PARD3: variants seen among roughly 807,000 people sequenced by gnomAD.
The protein encoded by PARD3 is partitioning defective 3 homolog.
A neutral mutation model predicts 155.4 loss-of-function variants in PARD3; 75 were observed. The ratio of observed to expected loss-of-function variants is 0.48; its 90% CI spans 0.40 to 0.58. PARD3 has a LOEUF of 0.58. Ranked by LOEUF, PARD3 falls within the 20% of genes least tolerant of loss-of-function variation. The pLI is 0.00. For synonymous variants in PARD3, 576 were observed against 610.5 expected, an observed-to-expected ratio of 0.94 and a Z score of 0.83; for missense variants, 1,642 against 1,721.7, an observed-to-expected ratio of 0.95 and a Z score of 0.82.
intron 1 of PARD3, among the ~76,000 whole-genome samples, chr10:34,711,183 A>G (rs746269916): frequency 6.6e-6 from 1 of 152,048 alleles, no homozygotes; most frequent in Non-Finnish European, 1.5e-5. Flanking sequence ...AAAAAAAAGT[A>G]AAAACAAAAA....
At chr10:34,318,796 C>T (rs901131464) in intron 19 of PARD3, among the ~76,000 whole-genome samples, 30 of 152,006 alleles carry the variant, frequency 2.0e-4, no homozygotes, top group Admixed American at 4.6e-4. Flanking sequence ...GGCTGAGTCT[C>T]GCTCTGTCGC....
At chr10:34,583,657 A>C (rs2087715929) in intron 2 of PARD3, among the ~76,000 whole-genome samples, 1 of 152,210 alleles carries the variant, frequency 6.6e-6, no homozygotes, top group African/African-American at 2.4e-5. Flanking sequence ...AAACAGAATG[A>C]GGAAACCTTA....
intron 12 of PARD3, 43 bp downstream of exon 12, chr10:34,372,455 T>C: frequency 6.8e-7 from 1 of 1,476,982 alleles, no homozygotes; most frequent in Non-Finnish European, 9.5e-7. Flanking sequence ...GTTCCATGTA[T>C]CTTTCCAACA....
chr10:34,458,607 C>A (rs1181166928), intron 4 of PARD3, among the ~76,000 whole-genome samples: 1 of 152,114 alleles, frequency 6.6e-6, no homozygotes, highest in Admixed American at 6.6e-5. Context: ...AGAGAGAGAT[C>A]CTCTCTCAAA....
At chr10:34,686,162 T>C (rs1244732323) in intron 2 of PARD3, among the ~76,000 whole-genome samples, 4 of 152,198 alleles carry the variant, frequency 2.6e-5, no homozygotes, top group African/African-American at 9.7e-5. Context: ...GTTACAAATG[T>C]AGTATGTGAA....
chr10:34,464,121 A>G (rs1009596245), intron 4 of PARD3, among the ~76,000 whole-genome samples: 8 of 49,560 alleles, frequency 1.6e-4, no homozygotes, highest in South Asian at 1.2e-3. Context: ...TCCTGCGGGA[A>G]AAAAAAAAAA....
intron 2 of PARD3, among the ~76,000 whole-genome samples, chr10:34,573,633 G>C (rs528022783): frequency 8.5e-5 from 13 of 152,088 alleles, no homozygotes; most frequent in African/African-American, 1.9e-4. Flanking sequence ...CTTGAACCTG[G>C]GAGGCAGAGG....
intron 1 of PARD3, among the ~76,000 whole-genome samples, chr10:34,801,074 G>T (rs769429448): frequency 6.6e-6 from 1 of 152,178 alleles, no homozygotes; most frequent in Non-Finnish European, 1.5e-5. Context: ...TGAGTATTCT[G>T]GAAAGTTTTT....
chr10:34,335,806 C>T (rs1202391071), intron 18 of PARD3, among the ~76,000 whole-genome samples: 1 of 152,026 alleles, frequency 6.6e-6, no homozygotes, highest in Non-Finnish European at 1.5e-5. Flanking sequence ...ATCAAAATCA[C>T]CACTCTGAGA....
intron 22 of PARD3, among the ~76,000 whole-genome samples, chr10:34,178,527 T>C (rs1035194952): frequency 3.9e-5 from 6 of 152,276 alleles, no homozygotes; most frequent in South Asian, 2.1e-4. Flanking sequence ...AGCGTAAGAA[T>C]TGATCCCAAG....
At chr10:34,350,463 A>G (rs1837932488) in intron 14 of PARD3, among the ~76,000 whole-genome samples, 1 of 152,136 alleles carries the variant, frequency 6.6e-6, no homozygotes, top group African/African-American at 2.4e-5. Context: ...GTGAAACACC[A>G]AATATACTAA....
chr10:34,518,402 G>T (rs930131927), intron 2 of PARD3, among the ~76,000 whole-genome samples: 1 of 152,146 alleles, frequency 6.6e-6, no homozygotes, highest in African/African-American at 2.4e-5. Context: ...CTTGAAAAAT[G>T]GTTGATTTCA....
At chr10:34,113,921 C>T (rs752233905) in intron 24 of PARD3, among the ~76,000 whole-genome samples, 1 of 152,068 alleles carries the variant, frequency 6.6e-6, no homozygotes, top group African/African-American at 2.4e-5. Context: ...CTAATAGGTC[C>T]CGGAGGAGTA....
At chr10:34,733,922 G>C (rs1310132000) in intron 1 of PARD3, among the ~76,000 whole-genome samples, 1 of 150,296 alleles carries the variant, frequency 6.7e-6, no homozygotes, top group Non-Finnish European at 1.5e-5. Flanking sequence ...AGTAAATTAT[G>C]CTTCTGCGAA....
At chr10:34,397,820 C>T (rs1843481238) in intron 7 of PARD3, among the ~76,000 whole-genome samples, 1 of 152,082 alleles carries the variant, frequency 6.6e-6, no homozygotes, top group Non-Finnish European at 1.5e-5. Flanking sequence ...GTTTCACAGG[C>T]ATTTTAAGAC....
chr10:34,445,633 T>C (rs145290387), intron 5 of PARD3, among the ~76,000 whole-genome samples: 2 of 152,224 alleles, frequency 1.3e-5, no homozygotes, highest in East Asian at 3.9e-4. Context: ...AGAAACTATT[T>C]TATAACAAAA....
intron 2 of PARD3, among the ~76,000 whole-genome samples, chr10:34,593,497 T>C (rs1196655615): frequency 6.6e-6 from 1 of 152,218 alleles, no homozygotes; most frequent in African/African-American, 2.4e-5. Flanking sequence ...AACACCTATT[T>C]AGATTAACTA....
At chr10:34,654,448 ACT>A (rs1458898394) in intron 2 of PARD3, among the ~76,000 whole-genome samples, 7 of 152,068 alleles carry the variant, frequency 4.6e-5, no homozygotes, top group Admixed American at 4.6e-4. Flanking sequence ...CAGAATCCAA[ACT>A]CTCTGCTCTA....
At chr10:34,780,159 T>C (rs1179700692) in intron 1 of PARD3, among the ~76,000 whole-genome samples, 2 of 152,236 alleles carry the variant, frequency 1.3e-5, no homozygotes, top group Non-Finnish European at 2.9e-5. Context: ...TGCTGAGACT[T>C]ATTTTATTAA....
Sources: allele counts gnomAD v4.1 joint callset (sites outside exome capture counted in the v4.1 genomes callset), GRCh38; gene constraint gnomAD v4.1.1; transcripts MANE v1.5; gene names NCBI Gene and HGNC (gene_info 2026-07-23, HGNC 2026-07-21).